The following KCNJ6 variants were observed in gnomAD, a reference collection of about 807,000 sequenced individuals.
The protein encoded by KCNJ6 is G protein-activated inward rectifier potassium channel 2.
A neutral mutation model predicts 34.2 loss-of-function variants in KCNJ6; 9 were observed. The observed-to-expected ratio is 0.26, with a 90% CI of 0.16 to 0.46. The LOEUF is 0.46. KCNJ6 is among the 20% of genes least tolerant of loss of function. The pLI is 1.00. For synonymous variants in KCNJ6, 196 were observed against 207.1 expected, an observed-to-expected ratio of 0.95 and a Z score of 0.46; for missense variants, 236 against 531.3, an observed-to-expected ratio of 0.44 and a Z score of 5.46.
chr21:37,734,002 G>C (rs2054900041), intron 2 of KCNJ6, among the ~76,000 whole-genome samples: 1 of 152,204 alleles, frequency 6.6e-6, no homozygotes, highest in African/African-American at 2.4e-5. Flanking sequence ...TTTAGCCTTA[G>C]CTGAATGAGA....
At chr21:37,810,228 A>G (rs2123541686) in intron 2 of KCNJ6, among the ~76,000 whole-genome samples, 1 of 152,292 alleles carries the variant, frequency 6.6e-6, no homozygotes, top group South Asian at 2.1e-4. Flanking sequence ...CTTTCCATAT[A>G]TTGTGTCCAT....
At chr21:37,626,251 C>T (rs2054310506) in intron 3 of KCNJ6, among the ~76,000 whole-genome samples, 1 of 151,844 alleles carries the variant, frequency 6.6e-6, no homozygotes, top group Admixed American at 6.6e-5. Context: ...CTGTCTCAGA[C>T]TTCTGAGCAG....
At chr21:37,643,687 G>T (rs1033155216) in intron 3 of KCNJ6, among the ~76,000 whole-genome samples, 5 of 152,178 alleles carry the variant, frequency 3.3e-5, no homozygotes, top group Non-Finnish European at 7.3e-5. Flanking sequence ...CAAACTATTG[G>T]TCTCCCACAA....
chr21:37,873,589 C>T (rs2055663028), intron 1 of KCNJ6, among the ~76,000 whole-genome samples: 1 of 152,172 alleles, frequency 6.6e-6, no homozygotes, highest in South Asian at 2.1e-4. Flanking sequence ...TTTTCATTGA[C>T]CCTAATCTAT....
At chr21:37,892,477 A>T (rs560420487) in intron 1 of KCNJ6, among the ~76,000 whole-genome samples, 1 of 152,342 alleles carries the variant, frequency 6.6e-6, no homozygotes, top group East Asian at 1.9e-4. Context: ...TTAGTTTAGA[A>T]AATACAGCTG....
chr21:37,694,643 T>C (rs990775528), intron 3 of KCNJ6, among the ~76,000 whole-genome samples: 2 of 152,174 alleles, frequency 1.3e-5, no homozygotes, highest in African/African-American at 4.8e-5. Context: ...GTCCCTTTAT[T>C]ATTGCTCTGA....
At chr21:37,709,954 C>T (rs1409947556) in intron 3 of KCNJ6, among the ~76,000 whole-genome samples, 1 of 152,148 alleles carries the variant, frequency 6.6e-6, no homozygotes, top group African/African-American at 2.4e-5. Flanking sequence ...TTGGCCTTGC[C>T]TCCTTGTCTA....
rs115409277 is a variant in KCNJ6, at chr21:37,662,392, T to A, written c.947-36908A>T. ...TCCTGTGTTGGTTTGCTAAGGATAA[T>A]GGCTTCCATTATTCCAGCTTCATCC... is the stretch of plus-strand genomic sequence containing the variant. On this transcript the variant is annotated intron_variant, in intron 3 of 3. Transcript: ENST00000609713. 7.0e-3 allele frequency among the ~76,000 whole-genome samples: 1,071 copies of A among 152,336 alleles called. 14 individuals carry two copies. Among genetic ancestry groups the A allele is most frequent in the African/African-American group, 0.025 (1,030 of 41,578 alleles).
chr21:37,904,467 A>G (rs1456771889), intron 1 of KCNJ6, among the ~76,000 whole-genome samples: 1 of 152,040 alleles, frequency 6.6e-6, no homozygotes, highest in African/African-American at 2.4e-5. Context: ...TTTTTTTGGT[A>G]TCACTTTGGG....
chr21:37,661,880 G>A (rs1383118329), intron 3 of KCNJ6, among the ~76,000 whole-genome samples: 1 of 151,434 alleles, frequency 6.6e-6, no homozygotes, highest in Non-Finnish European at 1.5e-5. Context: ...TGCCTGCCTC[G>A]GCCTCCCAAA....
intron 3 of KCNJ6, among the ~76,000 whole-genome samples, chr21:37,655,236 A>T (rs1374117666): frequency 0.015 from 46 of 2,986 alleles, 2 homozygotes; most frequent in African/African-American, 0.05. Context: ...AGAGAGAGAG[A>T]GAGAGAGAGA....
intron 3 of KCNJ6, among the ~76,000 whole-genome samples, chr21:37,709,445 C>T (rs375194047): frequency 2.0e-5 from 3 of 151,880 alleles, no homozygotes; most frequent in South Asian, 2.1e-4. Flanking sequence ...ACCCAGGAGG[C>T]GGAGGTTGCA....
At chr21:37,869,311 C>G (rs1393544669) in intron 1 of KCNJ6, among the ~76,000 whole-genome samples, 8 of 152,242 alleles carry the variant, frequency 5.3e-5, no homozygotes, top group African/African-American at 9.6e-5. Flanking sequence ...AGTTATTGAG[C>G]ACCTACTGTA....
At chr21:37,774,098 A>T (rs1322159549) in intron 2 of KCNJ6, among the ~76,000 whole-genome samples, 1 of 151,996 alleles carries the variant, frequency 6.6e-6, no homozygotes, top group Non-Finnish European at 1.5e-5. Flanking sequence ...CTTTTCCTTC[A>T]TTCTTCTTGT....
intron 3 of KCNJ6, among the ~76,000 whole-genome samples, chr21:37,706,620 T>C (rs1322899976): frequency 2.0e-5 from 3 of 152,182 alleles, no homozygotes; most frequent in Non-Finnish European, 2.9e-5. Context: ...GCCTTTGGGG[T>C]TGTCTGTTAC....
intron 1 of KCNJ6, among the ~76,000 whole-genome samples, chr21:37,854,332 G>A (rs914011277): frequency 1.3e-5 from 2 of 152,020 alleles, no homozygotes; most frequent in Non-Finnish European, 2.9e-5. Context: ...GAGAGATGGA[G>A]AGAAAAATTA....
At chr21:37,885,733 G>T (rs540384141) in intron 1 of KCNJ6, among the ~76,000 whole-genome samples, 1 of 152,292 alleles carries the variant, frequency 6.6e-6, no homozygotes, top group African/African-American at 2.4e-5. Context: ...TTTGCAAGAG[G>T]ACCCAGGAAT....
chr21:37,689,963 A>C (rs1482522774), intron 3 of KCNJ6, among the ~76,000 whole-genome samples: 1 of 152,156 alleles, frequency 6.6e-6, no homozygotes, highest in Non-Finnish European at 1.5e-5. Flanking sequence ...CCACTCCTGC[A>C]TTCGTAGGGA....
chr21:37,824,841 G>T (rs1035309951), intron 2 of KCNJ6, among the ~76,000 whole-genome samples: 5 of 151,756 alleles, frequency 3.3e-5, no homozygotes, highest in African/African-American at 1.2e-4. Context: ...GTTTCAGGTA[G>T]TATCTTTATA....
Sources: gnomAD v4.1 joint callset for allele counts (sites outside exome capture counted in the v4.1 genomes callset) on GRCh38, gnomAD v4.1.1 for gene constraint, MANE v1.5 for transcripts, NCBI Gene and HGNC (gene_info 2026-07-23, HGNC 2026-07-21) for gene names.